The following FGF18 variants were observed in gnomAD, a reference collection of about 807,000 sequenced individuals.
The protein encoded by FGF18 is fibroblast growth factor 18.
FGF18 carries 5 observed loss-of-function variants against 23.0 expected under a neutral mutation model. The observed-to-expected ratio is 0.22, with a 90% confidence interval of 0.11 to 0.46. The LOEUF is 0.46. Ranked by LOEUF, FGF18 falls within the 20% of genes least tolerant of loss-of-function variation. The probability of loss-of-function intolerance (pLI) is 0.99; values close to 1 mark genes in which losing one functional copy is unlikely to be tolerated. For missense variants in FGF18, 180 were observed against 291.6 expected (o/e 0.62, Z 2.79); for synonymous variants, 117 against 118.9 (o/e 0.98, Z 0.10).
At position 171,456,276 on chromosome 5, in the gene FGF18, C is replaced by T. The variant is rs913353876; in HGVS notation, c.358-263C>T. On this transcript the variant is annotated intron_variant, in intron 4 of 4. Transcript: ENST00000274625. The surrounding 1 kb of genome is among the most constrained non-coding windows in gnomAD (Gnocchi z 6.1). ...CACCCTGGCCTGTCCTCAGCAAAGT[C>T]TCTGTTAGGTGGCTTTAGCCAGAAT... Among the ~76,000 whole-genome samples, 15 of 152,186 alleles carry T rather than the reference C, an allele frequency of 9.9e-5. No homozygotes were observed. The highest frequency in any genetic ancestry group is 2.9e-5 in the Non-Finnish European group (2 of 68,044).
At chr5:171,447,519 C>T (rs1182236239) in intron 3 of FGF18, among the ~76,000 whole-genome samples, 1 of 152,166 alleles carries the variant, frequency 6.6e-6, no homozygotes, top group Non-Finnish European at 1.5e-5. Context: ...TGTGCCTCCC[C>T]CTGTTTCTAG....
rs926190530 is a variant in FGF18, at chr5:171,455,874, T to A, written c.358-665T>A. ...GCCATTGGGCTATCTGGGTGGAGAG[T>A]GGGGAAGGAATAGATTTCTGAATGA... On this transcript the variant is annotated intron_variant, in intron 4 of 4. Transcript: ENST00000274625. Among the ~76,000 whole-genome samples, 21 of 151,706 alleles carry A rather than the reference T, an allele frequency of 1.4e-4. 1 individual carries two copies. Among genetic ancestry groups the A allele is most frequent in the Admixed American group, 1.4e-3 (21 of 15,234 alleles).
intron 2 of FGF18, among the ~76,000 whole-genome samples, chr5:171,421,083 G>T (rs558339248): frequency 6.6e-6 from 1 of 152,218 alleles, no homozygotes; most frequent in Non-Finnish European, 1.5e-5. Context: ...CTCCCGGTTC[G>T]CTCGCTCTCC....
intron 4 of FGF18, among the ~76,000 whole-genome samples, chr5:171,455,752 T>C (rs994403192): frequency 3.9e-5 from 6 of 152,238 alleles, no homozygotes; most frequent in Non-Finnish European, 7.4e-5. Context: ...GGAACACTGA[T>C]TGGATGGCTT....
intron 4 of FGF18, among the ~76,000 whole-genome samples, chr5:171,454,255 A>AT (rs1772552841): frequency 6.6e-6 from 1 of 152,152 alleles, no homozygotes; most frequent in Non-Finnish European, 1.5e-5. Context: ...GATGAAAGCC[A>AT]TTTTCCAGGC....
At position 171,451,190 on chromosome 5, in the gene FGF18, C is replaced by T. The variant is rs927606219; in HGVS notation, c.357+1937C>T. On this transcript the variant is annotated intron_variant, in intron 4 of 4. Coordinates refer to ENST00000274625, the MANE Select transcript of FGF18 (RefSeq NM_003862.3). This position sits in a 1 kb window ranked among gnomAD's most constrained non-coding sequence, Gnocchi z 4.5. ...ATTGGTGACGGTTCAGCTGGCGCGG[C>T]GCACCCTGGCGCAGCGGAGGGAGGC... Among the ~76,000 whole-genome samples, 37 of 151,996 alleles carry T rather than the reference C, an allele frequency of 2.4e-4. No homozygotes were observed. The highest frequency in any genetic ancestry group is 9.8e-4 in the East Asian group (5 of 5,114).
chr5:171,449,359 C>CCG, intron 4 of FGF18, 106 bp downstream of exon 4: 1 of 246,452 alleles, frequency 4.1e-6, no homozygotes, highest in South Asian at 3.2e-5. Context: ...GGAAAACAGG[C>CCG]CGTGTGTGTG....
At chr5:171,430,207 A>G (rs894352319) in intron 2 of FGF18, among the ~76,000 whole-genome samples, 1 of 151,894 alleles carries the variant, frequency 6.6e-6, no homozygotes, top group Admixed American at 6.6e-5. Flanking sequence ...AAACTATAAA[A>G]ATTCACTGGG....
rs1771981484 is a variant in FGF18, at chr5:171,420,184, T to A, written c.-16T>A. ...GCAGGCTGGGCTAGGAGCCGCCGCC[T>A]CCCTCCCGCCCAGCGATGTATTCAG... On this transcript the variant is annotated 5_prime_UTR_variant, in exon 1 of 5. Transcript: ENST00000274625. The A allele has an allele frequency of 6.5e-7, 1 of 1,539,030 alleles. No individual in the cohort carries two copies. Among genetic ancestry groups the A allele is most frequent in the Non-Finnish European group, 8.7e-7 (1 of 1,147,448 alleles).
In FGF18 at chr5:171,451,308, G is replaced by C. The variant is rs952640857; in HGVS notation, c.357+2055G>C. On this transcript the variant is annotated intron_variant, in intron 4 of 4. Transcript: ENST00000274625. This position sits in a 1 kb window ranked among gnomAD's most constrained non-coding sequence, Gnocchi z 4.5. ...AGCCTCCTGTCTTCTGGGCCCACCC[G>C]GGGGACTCGAGGACGCCACCAAATC... Among the ~76,000 whole-genome samples the C allele has an allele frequency of 1.3e-5, 2 of 149,252 alleles. No individual in the cohort carries two copies. Among genetic ancestry groups the C allele is most frequent in the African/African-American group, 4.9e-5 (2 of 40,868 alleles).
At chr5:171,443,074 T>A (rs1359735900) in intron 3 of FGF18, among the ~76,000 whole-genome samples, 1 of 152,200 alleles carries the variant, frequency 6.6e-6, no homozygotes, top group East Asian at 1.9e-4. Flanking sequence ...TAAAATGGCA[T>A]AATAGTTCCT....
rs146338718 is a variant in FGF18 at position 171,435,283 on chromosome 5, G to C, written c.70-810G>C. The stretch of plus-strand genomic sequence containing the variant: ...AGGGGATTGGGTTTGGTAGAAGAGA[G>C]ACTACCAGGGGGCGAGAGTGGAAGC... On this transcript the variant is annotated intron_variant, in intron 2 of 4. Coordinates refer to ENST00000274625, the MANE Select transcript of FGF18 (RefSeq NM_003862.3). Among the ~76,000 whole-genome samples the C allele has an allele frequency of 6.6e-5, 10 of 152,314 alleles. 2 individuals carry two copies. The highest frequency in any genetic ancestry group is 2.4e-4 in the African/African-American group (10 of 41,574).
intron 4 of FGF18, among the ~76,000 whole-genome samples, chr5:171,452,174 C>T (rs1295382144): frequency 6.6e-6 from 1 of 152,256 alleles, no homozygotes; most frequent in Non-Finnish European, 1.5e-5. Context: ...TGAGCCTCAG[C>T]GTCGTCATCT....
At chr5:171,433,239 C>T (rs1010791114) in intron 2 of FGF18, among the ~76,000 whole-genome samples, 7 of 152,214 alleles carry the variant, frequency 4.6e-5, no homozygotes, top group Admixed American at 4.6e-4. Flanking sequence ...CCCTGCTGAC[C>T]CTGGGTCACC....
intron 3 of FGF18, among the ~76,000 whole-genome samples, chr5:171,447,400 A>T (rs992156940): frequency 1.8e-4 from 27 of 152,232 alleles, no homozygotes; most frequent in African/African-American, 6.5e-4. Flanking sequence ...ACGGAGTTTG[A>T]CTTAAGGGGA....
At chr5:171,422,364 C>A (rs1013205135) in intron 2 of FGF18, among the ~76,000 whole-genome samples, 1 of 152,126 alleles carries the variant, frequency 6.6e-6, no homozygotes, top group Non-Finnish European at 1.5e-5. Context: ...TCCCCACCGG[C>A]CTTTCTGCAT....
chr5:171,434,887 G>A lies in FGF18; in HGVS notation c.70-1206G>A, dbSNP rs1018848831. ...ACCCAGATAAGTGCTGGAAAGAAGC[G>A]CAAAGCATGGTTGAGGGGAGGGAGA... On this transcript the variant is annotated intron_variant, in intron 2 of 4. Coordinates refer to ENST00000274625, the MANE Select transcript of FGF18 (RefSeq NM_003862.3). This position sits in a 1 kb window ranked among gnomAD's most constrained non-coding sequence, Gnocchi z 4.6. 1.1e-4 allele frequency among the ~76,000 whole-genome samples: 16 copies of A among 151,382 alleles called. No individual in the cohort carries two copies. The highest frequency in any genetic ancestry group is 1.2e-4 in the African/African-American group (5 of 41,096).
intron 2 of FGF18, among the ~76,000 whole-genome samples, chr5:171,433,696 C>G (rs2113341744): frequency 6.6e-6 from 1 of 152,330 alleles, no homozygotes; most frequent in South Asian, 2.1e-4. Flanking sequence ...CCCTGCCTCA[C>G]TGGGCTGTGT....
intron 3 of FGF18, among the ~76,000 whole-genome samples, chr5:171,439,396 G>A (rs1008885848): frequency 3.6e-4 from 55 of 152,180 alleles, no homozygotes; most frequent in African/African-American, 1.3e-3. Flanking sequence ...CTGGCCAGAG[G>A]GCTGGAGGCT....
Sources: allele counts gnomAD v4.1 joint callset (sites outside exome capture counted in the v4.1 genomes callset), GRCh38; gene constraint gnomAD v4.1.1; non-coding constraint Gnocchi (gnomAD v3.1); transcripts MANE v1.5; gene names NCBI Gene and HGNC (gene_info 2026-07-23, HGNC 2026-07-21).